TBL1XR1: variants seen among roughly 807,000 people sequenced by gnomAD.
TBL1XR1 encodes the protein F-box-like/WD repeat-containing protein TBL1XR1.
TBL1XR1 carries 5 observed loss-of-function variants against 66.9 expected under a neutral mutation model. The observed-to-expected ratio is 0.07, with a 90% CI of 0.04 to 0.16. TBL1XR1 has a LOEUF of 0.16. Among genes scored for constraint, TBL1XR1 ranks in the 10% least tolerant of loss-of-function variants. The pLI, the probability that TBL1XR1 is intolerant of heterozygous loss-of-function variation, is 1.00. For synonymous variants in TBL1XR1, 210 were observed against 206.0 expected (o/e 1.02, Z -0.17); for missense variants, 238 against 623.2 (o/e 0.38, Z 6.58).
At chr3:177,076,478 T>C (rs1720719284) in intron 2 of TBL1XR1, among the ~76,000 whole-genome samples, 1 of 152,218 alleles carries the variant, frequency 6.6e-6, no homozygotes. Flanking sequence ...AAGGACCCTA[T>C]TTCCAAGTAA....
intron 1 of TBL1XR1, among the ~76,000 whole-genome samples, chr3:177,130,901 T>A (rs563443688): frequency 6.6e-6 from 1 of 152,190 alleles, no homozygotes; most frequent in African/African-American, 2.4e-5. Context: ...GGCTTGCACC[T>A]ATAGTCCCAG....
At chr3:177,043,549 TTTA>T (rs1403179272) in intron 10 of TBL1XR1, among the ~76,000 whole-genome samples, 1 of 152,174 alleles carries the variant, frequency 6.6e-6, no homozygotes, top group Non-Finnish European at 1.5e-5. Flanking sequence ...TAGCATGGTA[TTTA>T]TTTTTACATC....
At chr3:177,088,637 C>T (rs1366110257) in intron 2 of TBL1XR1, among the ~76,000 whole-genome samples, 3 of 151,712 alleles carry the variant, frequency 2.0e-5, no homozygotes, top group African/African-American at 4.8e-5. Flanking sequence ...ATTTCAGCCT[C>T]TAATGACAAA....
At chr3:177,031,583 G>A (rs1714012132) in intron 14 of TBL1XR1, among the ~76,000 whole-genome samples, 1 of 149,546 alleles carries the variant, frequency 6.7e-6, no homozygotes. Flanking sequence ...TGCCCGCCTT[G>A]GCCTCCCAAA....
At chr3:177,092,585 G>A (rs1234759513) in intron 2 of TBL1XR1, among the ~76,000 whole-genome samples, 1 of 152,090 alleles carries the variant, frequency 6.6e-6, no homozygotes, top group African/African-American at 2.4e-5. Context: ...ATTATTGTCA[G>A]CACCTCACAT....
intron 1 of TBL1XR1, among the ~76,000 whole-genome samples, chr3:177,120,269 C>CAGAT (rs1225511714): frequency 6.6e-6 from 1 of 151,996 alleles, no homozygotes; most frequent in East Asian, 1.9e-4. Flanking sequence ...TTTCAAGATG[C>CAGAT]AGATGACCTC....
chr3:177,156,548 CTT>C (rs1491103967), intron 1 of TBL1XR1, among the ~76,000 whole-genome samples: 39 of 137,312 alleles, frequency 2.8e-4, no homozygotes, highest in African/African-American at 8.3e-4. Flanking sequence ...CACACACACA[CTT>C]ATATATATAT....
At chr3:177,125,373 C>CA (rs1432446448) in intron 1 of TBL1XR1, among the ~76,000 whole-genome samples, 1 of 151,728 alleles carries the variant, frequency 6.6e-6, no homozygotes, top group East Asian at 1.9e-4. Context: ...TGGCAATCAA[C>CA]AAAAAAACAG....
At chr3:177,180,365 C>T (rs940236282) in intron 1 of TBL1XR1, among the ~76,000 whole-genome samples, 1 of 93,880 alleles carries the variant, frequency 1.1e-5, no homozygotes, top group African/African-American at 4.4e-5. Context: ...CCCATAAATA[C>T]GTTCATTCCC....
rs892379001 is a variant in TBL1XR1, at chr3:177,050,361, TAC to T, written c.560+115_560+116del. 1.9e-5 allele frequency: 26 copies of T among 1,364,660 alleles called. No individual in the cohort carries two copies. In the Middle Eastern group the frequency reaches 1.1e-3, roughly 58 times the overall value. The allele number at this position is 1,364,660 out of a possible 1,614,324, so 84.5% of individuals were successfully genotyped here. Reference sequence around the variant, plus strand: ...TTACTTCATGAAGGAATAAAAAATTTACAGAGACAAAATGGCCACAACTAAGC... The same window carrying T: ...TTACTTCATGAAGGAATAAAAAATTTAGAGACAAAATGGCCACAACTAAGC... On this transcript the variant is annotated intron_variant, in intron 6 of 15. Transcript: ENST00000457928.
intron 1 of TBL1XR1, among the ~76,000 whole-genome samples, chr3:177,131,001 T>TA (rs1228833807): frequency 1.3e-5 from 2 of 152,086 alleles, no homozygotes; most frequent in African/African-American, 4.8e-5. Context: ...GTCTCTAAAA[T>TA]AAAAAATTTT....
At chr3:177,058,428 AC>A (rs2108517599) in intron 3 of TBL1XR1, among the ~76,000 whole-genome samples, 1 of 152,362 alleles carries the variant, frequency 6.6e-6, no homozygotes, top group Admixed American at 6.5e-5. Context: ...CCTTAAAAAT[AC>A]ATGTAACTAT....
chr3:177,160,315 A>C (rs112179132), intron 1 of TBL1XR1, among the ~76,000 whole-genome samples: 37 of 152,110 alleles, frequency 2.4e-4, no homozygotes, highest in African/African-American at 7.5e-4. Context: ...TCTACTAAAA[A>C]TACAAAAAAT....
chr3:177,063,117 A>C (rs1392494877), intron 3 of TBL1XR1, among the ~76,000 whole-genome samples: 1 of 152,156 alleles, frequency 6.6e-6, no homozygotes. Context: ...ACTCCGTCTC[A>C]AAAAACAAAC....
chr3:177,151,288 T>C (rs369325697), intron 1 of TBL1XR1, among the ~76,000 whole-genome samples: 2 of 152,356 alleles, frequency 1.3e-5, no homozygotes, highest in Admixed American at 6.5e-5. Flanking sequence ...TACCAGTGTG[T>C]ATCAAAAGCA....
intron 1 of TBL1XR1, among the ~76,000 whole-genome samples, chr3:177,162,952 A>G (rs1358998576): frequency 6.6e-6 from 1 of 152,254 alleles, no homozygotes; most frequent in Non-Finnish European, 1.5e-5. Context: ...GCAGGAATGT[A>G]AACCGGTACA....
At chr3:177,027,431 A>G (rs1157949982) in intron 14 of TBL1XR1, 3 of 152,264 alleles carry the variant, frequency 2.0e-5, no homozygotes, top group Non-Finnish European at 4.4e-5. Flanking sequence ...GCTGCTACTG[A>G]AGAATTAAAA....
At chr3:177,153,921 G>T (rs973891726) in intron 1 of TBL1XR1, among the ~76,000 whole-genome samples, 12 of 150,772 alleles carry the variant, frequency 8.0e-5, no homozygotes, top group African/African-American at 2.4e-4. Context: ...GAACTGCAGG[G>T]TAGCCACTAA....
Position 177,034,331 on chromosome 3 carries a change from C to CA in TBL1XR1, c.1123-7dup. ...TCTTGTTTCATACTCCATATCTAAA[C>CA]AAAAAAGAAAAATGTATACAATTAT... On this transcript the variant is annotated splice_region_variant and splice_polypyrimidine_tract_variant and intron_variant, in intron 12 of 15. Coordinates refer to ENST00000457928, the MANE Select transcript of TBL1XR1 (RefSeq NM_024665.7). The CA allele has an allele frequency of 1.3e-6, 2 of 1,515,078 alleles. No homozygotes were observed. Among genetic ancestry groups the CA allele is most frequent in the African/African-American group, 1.4e-5 (1 of 70,262 alleles). The allele number at this position is 1,515,078 out of a possible 1,614,324, so 93.9% of individuals were successfully genotyped here. A position where few individuals can be genotyped will look rare whatever the true frequency, so the allele number is the denominator to read the frequency against.
Sources: gnomAD v4.1 joint callset for allele counts (sites outside exome capture counted in the v4.1 genomes callset) on GRCh38, gnomAD v4.1.1 for gene constraint, MANE v1.5 for transcripts, NCBI Gene and HGNC (gene_info 2026-07-23, HGNC 2026-07-21) for gene names.